The following ERC2 variants were observed in gnomAD, a reference collection of about 807,000 sequenced individuals.
The protein encoded by ERC2 is ERC protein 2.
ERC2 carries 42 observed loss-of-function variants against 114.8 expected under a neutral mutation model. The observed-to-expected ratio is 0.37, with a 90% confidence interval of 0.29 to 0.47. The LOEUF (loss-of-function observed/expected upper bound fraction) is 0.47. Ranked by LOEUF, ERC2 falls within the 20% of genes least tolerant of loss-of-function variation. The pLI, the probability that ERC2 is intolerant of heterozygous loss-of-function variation, is 0.99. For synonymous variants in ERC2, 454 were observed against 425.5 expected (o/e 1.07, Z -0.82); for missense variants, 939 against 1,150.7 (o/e 0.82, Z 2.66).
chr3:55,838,885 A>G (rs2061011369), intron 14 of ERC2, among the ~76,000 whole-genome samples: 1 of 151,892 alleles, frequency 6.6e-6, no homozygotes, highest in South Asian at 2.1e-4. Flanking sequence ...AGCTCACTCA[A>G]AAAGAAATAG....
intron 13 of ERC2, among the ~76,000 whole-genome samples, chr3:55,944,677 A>G (rs559491891): frequency 6.6e-6 from 1 of 152,234 alleles, no homozygotes; most frequent in African/African-American, 2.4e-5. Context: ...GAGTTACTAC[A>G]AAGAGTAATG....
intron 2 of ERC2, among the ~76,000 whole-genome samples, chr3:56,347,200 G>A (rs2058343759): frequency 6.6e-6 from 1 of 152,102 alleles, no homozygotes; most frequent in Non-Finnish European, 1.5e-5. Context: ...TGTTTGTGTA[G>A]TGCTTGTAAA....
intron 2 of ERC2, among the ~76,000 whole-genome samples, chr3:56,363,932 C>T (rs903132502): frequency 6.6e-6 from 1 of 151,824 alleles, no homozygotes; most frequent in Non-Finnish European, 1.5e-5. Context: ...GGAAGGAAAG[C>T]AAGGGAATGG....
In ERC2 at chr3:55,593,112, C is replaced by T. The variant is rs1044221537; in HGVS notation, c.*40-81836G>A. 3.3e-5 allele frequency among the ~76,000 whole-genome samples: 5 copies of T among 152,316 alleles called. No homozygotes were observed. The South Asian group carries it at 1.0e-3, about 32-fold the overall frequency. On this transcript the variant is annotated intron_variant, in intron 17 of 17. Transcript: ENST00000288221. ...CACAATGATAGGTTAACTAACTAGA[C>T]TTGGGACTACACGCTAGGCCCTTGA...
At chr3:55,779,163 A>T (rs2068824732) in intron 14 of ERC2, among the ~76,000 whole-genome samples, 1 of 151,920 alleles carries the variant, frequency 6.6e-6, no homozygotes. Context: ...TCAAGAACAG[A>T]CCAATGTTTT....
At chr3:55,864,249 GTA>G (rs1232787549) in intron 14 of ERC2, among the ~76,000 whole-genome samples, 75 of 143,904 alleles carry the variant, frequency 5.2e-4, no homozygotes, top group African/African-American at 1.7e-3. Flanking sequence ...GTGTATATAT[GTA>G]TATATATGTG....
At chr3:55,580,406 A>C (rs1575644948) in intron 17 of ERC2, among the ~76,000 whole-genome samples, 1 of 152,300 alleles carries the variant, frequency 6.6e-6, no homozygotes, top group East Asian at 1.9e-4. Flanking sequence ...GAAACTCTGG[A>C]AGAAAAGACA....
intron 7 of ERC2, among the ~76,000 whole-genome samples, chr3:56,075,340 C>T (rs56101867): frequency 0.2 from 29,981 of 151,966 alleles, 3,320 homozygotes; most frequent in African/African-American, 0.29. Context: ...GGAGAGCAGC[C>T]GTCAACAGAA....
chr3:55,923,511 T>C (rs1299351931), intron 13 of ERC2, among the ~76,000 whole-genome samples: 1 of 152,080 alleles, frequency 6.6e-6, no homozygotes, highest in Non-Finnish European at 1.5e-5. Flanking sequence ...TTATGTTATA[T>C]ATATTTTGCC....
At chr3:56,402,643 T>C (rs1220674330) in intron 2 of ERC2, among the ~76,000 whole-genome samples, 1 of 152,236 alleles carries the variant, frequency 6.6e-6, no homozygotes, top group African/African-American at 2.4e-5. Context: ...GCTTTGCATA[T>C]GATAGCTGAA....
intron 12 of ERC2, among the ~76,000 whole-genome samples, chr3:55,973,792 C>T (rs1313803069): frequency 6.6e-6 from 1 of 152,034 alleles, no homozygotes; most frequent in Non-Finnish European, 1.5e-5. Context: ...ATTTTTCCCC[C>T]AAATTACATT....
chr3:55,555,129 T>C (rs576158431), intron 17 of ERC2, among the ~76,000 whole-genome samples: 1 of 152,230 alleles, frequency 6.6e-6, no homozygotes, highest in Non-Finnish European at 1.5e-5. Flanking sequence ...ATTTGAGACA[T>C]GCCGCCCTTG....
chr3:55,932,111 G>T (rs1053777269), intron 13 of ERC2, among the ~76,000 whole-genome samples: 10 of 152,050 alleles, frequency 6.6e-5, no homozygotes, highest in African/African-American at 2.4e-4. Context: ...CCATTTGCTT[G>T]TCTCTATTCA....
chr3:55,541,225 G>A (rs1412667101), intron 17 of ERC2, among the ~76,000 whole-genome samples: 2 of 152,150 alleles, frequency 1.3e-5, no homozygotes, highest in Non-Finnish European at 2.9e-5. Context: ...CAAGCTACAT[G>A]CAATGTACAA....
chr3:56,330,145 C>T (rs1318674191), intron 2 of ERC2, among the ~76,000 whole-genome samples: 1 of 152,056 alleles, frequency 6.6e-6, no homozygotes, highest in African/African-American at 2.4e-5. Context: ...TTGATTGTCA[C>T]ACCTCAGCCT....
intron 9 of ERC2, among the ~76,000 whole-genome samples, chr3:56,009,353 C>T (rs2072739067): frequency 1.3e-5 from 2 of 152,172 alleles, no homozygotes; most frequent in Non-Finnish European, 2.9e-5. Context: ...AAGAAATAAG[C>T]TCCTTTCTAA....
At chr3:55,746,476 C>T (rs1329648438) in intron 14 of ERC2, among the ~76,000 whole-genome samples, 3 of 152,000 alleles carry the variant, frequency 2.0e-5, no homozygotes, top group Non-Finnish European at 4.4e-5. Flanking sequence ...TCAGGTGATC[C>T]GCCCACCTCA....
chr3:56,376,893 A>G (rs1456691751), intron 2 of ERC2, among the ~76,000 whole-genome samples: 2 of 152,194 alleles, frequency 1.3e-5, no homozygotes, highest in African/African-American at 2.4e-5. Flanking sequence ...GTCGCAATAC[A>G]TGGGAGGCTA....
chr3:55,684,054 G>A (rs1433020811), intron 16 of ERC2, among the ~76,000 whole-genome samples, 195 bp from the exon 17 acceptor site: 1 of 152,022 alleles, frequency 6.6e-6, no homozygotes, highest in Admixed American at 6.6e-5. Flanking sequence ...ACATAACCGG[G>A]TTTTGTATCT....
Sources: allele counts gnomAD v4.1 joint callset (sites outside exome capture counted in the v4.1 genomes callset), GRCh38; gene constraint gnomAD v4.1.1; transcripts MANE v1.5; gene names NCBI Gene and HGNC (gene_info 2026-07-23, HGNC 2026-07-21).